TMEM74: variants seen among roughly 807,000 people sequenced by gnomAD.
TMEM74 encodes the protein transmembrane protein 74.
Under a neutral mutation model 18.1 loss-of-function variants are expected in TMEM74, and 13 were observed. The ratio of observed to expected loss-of-function variants is 0.72; its 90% CI spans 0.47 to 1.14. The LOEUF (loss-of-function observed/expected upper bound fraction) is 1.14. Ranked by LOEUF, TMEM74 falls within the 50% of genes most tolerant of loss-of-function variation. TMEM74 has a pLI of 0.00. For synonymous variants in TMEM74, 159 were observed against 146.6 expected, an observed-to-expected ratio of 1.08 and a Z score of -0.61; for missense variants, 372 against 375.9, an observed-to-expected ratio of 0.99 and a Z score of 0.09.
rs557213122 is a variant in TMEM74 at position 108,739,912 on chromosome 8, C to T, written n.119+47564G>A. On this transcript the variant is annotated intron_variant and non_coding_transcript_variant, in intron 1 of 3. Coordinates refer to the TMEM74 transcript ENST00000518838. ...ACAATTTGAGAGAGAGAAGTGGGAC[C>T]GGGGGCCATCGCAATCGTGGAGGCT... Among the ~76,000 whole-genome samples, 94 of 152,088 alleles carry T rather than the reference C, an allele frequency of 6.2e-4. 1 individual carries two copies. Among genetic ancestry groups the T allele is most frequent in the African/African-American group, 2.2e-3 (90 of 41,494 alleles).
intron 1 of TMEM74, among the ~76,000 whole-genome samples, chr8:108,730,809 T>C (rs1245971443): frequency 6.6e-6 from 1 of 151,994 alleles, no homozygotes; most frequent in African/African-American, 2.4e-5. Context: ...ATTTTTCTAT[T>C]TTTAGTAGAG....
chr8:108,736,764 C>T (rs1032447733), intron 1 of TMEM74, among the ~76,000 whole-genome samples: 3 of 151,966 alleles, frequency 2.0e-5, no homozygotes, highest in Non-Finnish European at 4.4e-5. Context: ...CTCTATTTAC[C>T]ATATACACAG....
chr8:108,785,366 G>A lies in TMEM74; in HGVS notation c.-39-229C>T, dbSNP rs113382124. 4.6e-3 allele frequency among the ~76,000 whole-genome samples: 703 copies of A among 152,318 alleles called. 6 individuals are homozygous for A. Among genetic ancestry groups the A allele is most frequent in the African/African-American group, 0.016 (662 of 41,580 alleles). ...ACACTGAGAAACTTAAGTCAGGGTA[G>A]AAAGGTGCGTGGAGGAAGTGGCAGT... On this transcript the variant is annotated intron_variant, in intron 1 of 1. Coordinates refer to ENST00000297459, the MANE Select transcript of TMEM74 (RefSeq NM_153015.3).
intron 1 of TMEM74, among the ~76,000 whole-genome samples, chr8:108,684,987 G>C (rs1269029083): frequency 1.3e-5 from 2 of 152,002 alleles, no homozygotes; most frequent in African/African-American, 4.8e-5. Flanking sequence ...TTGGTATTTT[G>C]ATAGGGATTA....
chr8:108,607,683 C>T (rs1241492248), exon 4 of TMEM74: 2 of 152,172 alleles, frequency 1.3e-5, no homozygotes, highest in Non-Finnish European at 2.9e-5. Context: ...CTTCTTAAGA[C>T]ACTTATGACG....
intron 1 of TMEM74, among the ~76,000 whole-genome samples, chr8:108,707,127 C>G (rs1176366444): frequency 7.6e-6 from 1 of 132,278 alleles, no homozygotes; most frequent in Non-Finnish European, 1.5e-5. Flanking sequence ...TAGGTGGGAA[C>G]TGAACAATGA....
At chr8:108,638,070 G>A (rs1238278812) in intron 2 of TMEM74, among the ~76,000 whole-genome samples, 2 of 152,088 alleles carry the variant, frequency 1.3e-5, no homozygotes, top group Non-Finnish European at 2.9e-5. Context: ...ACTTCTACGT[G>A]CATGTCTTCA....
chr8:108,771,326 G>A lies in TMEM74; in HGVS notation n.119+16150C>T, dbSNP rs562795918. On this transcript the variant is annotated intron_variant and non_coding_transcript_variant, in intron 1 of 3. Transcript: ENST00000518838. ...AACTTAGGAAGATTAAATTAAATGAGTTAATATTTGTAAATTCCTTGACTC... is the reference window on the plus strand; with the variant it reads ...AACTTAGGAAGATTAAATTAAATGAATTAATATTTGTAAATTCCTTGACTC... Among the ~76,000 whole-genome samples, 271 of 152,178 alleles carry A rather than the reference G, an allele frequency of 1.8e-3. 1 individual carries two copies. The highest frequency in any genetic ancestry group is 3.4e-3 in the Middle Eastern group (1 of 294).
At chr8:108,760,324 C>G (rs1452786250) in intron 1 of TMEM74, among the ~76,000 whole-genome samples, 1 of 152,024 alleles carries the variant, frequency 6.6e-6, no homozygotes, top group African/African-American at 2.4e-5. Context: ...CAAGGGTCAG[C>G]CAGTCTCTTG....
intron 1 of TMEM74, among the ~76,000 whole-genome samples, chr8:108,673,516 C>G (rs1209931820): frequency 6.6e-6 from 1 of 152,134 alleles, no homozygotes; most frequent in East Asian, 1.9e-4. Flanking sequence ...AAACATCTCT[C>G]ACGATGGCAG....
At chr8:108,742,813 T>C (rs1813814837) in intron 1 of TMEM74, among the ~76,000 whole-genome samples, 1 of 152,166 alleles carries the variant, frequency 6.6e-6, no homozygotes, top group Non-Finnish European at 1.5e-5. Context: ...AGCCTTCTGA[T>C]TTTAGAGACT....
intron 2 of TMEM74, among the ~76,000 whole-genome samples, chr8:108,620,511 G>A (rs980615374): frequency 8.6e-5 from 13 of 152,022 alleles, no homozygotes; most frequent in Non-Finnish European, 1.3e-4. Flanking sequence ...TTTAGAAGGC[G>A]GATATTCCCA....
At chr8:108,710,581 G>GT (rs1813464645) in intron 1 of TMEM74, among the ~76,000 whole-genome samples, 1 of 152,212 alleles carries the variant, frequency 6.6e-6, no homozygotes, top group Non-Finnish European at 1.5e-5. Flanking sequence ...GTGAAATGCA[G>GT]TTTTATTCAG....
intron 2 of TMEM74, among the ~76,000 whole-genome samples, chr8:108,633,103 G>A (rs1356974016): frequency 6.6e-6 from 1 of 151,946 alleles, no homozygotes; most frequent in Non-Finnish European, 1.5e-5. Flanking sequence ...AGCCTTGGTT[G>A]TTTCTGTGAA....
At chr8:108,635,886 ACTACT>A (rs1258103411) in intron 2 of TMEM74, among the ~76,000 whole-genome samples, 2 of 152,170 alleles carry the variant, frequency 1.3e-5, no homozygotes, top group Middle Eastern at 3.4e-3. Flanking sequence ...AGGATCAGAG[ACTACT>A]CTAAGTTCTT....
chr8:108,700,627 A>G (rs1274928834), intron 1 of TMEM74, among the ~76,000 whole-genome samples: 1 of 152,196 alleles, frequency 6.6e-6, no homozygotes, highest in Non-Finnish European at 1.5e-5. Flanking sequence ...AGCAAAATAA[A>G]GGAGAGAAAA....
At chr8:108,735,576 A>G (rs948266751) in intron 1 of TMEM74, among the ~76,000 whole-genome samples, 1 of 152,200 alleles carries the variant, frequency 6.6e-6, no homozygotes, top group Non-Finnish European at 1.5e-5. Context: ...ATTCTATTGT[A>G]TAGACATACT....
At chr8:108,662,879 T>G (rs552984109) in intron 1 of TMEM74, among the ~76,000 whole-genome samples, 2 of 152,258 alleles carry the variant, frequency 1.3e-5, no homozygotes, top group South Asian at 4.1e-4. Flanking sequence ...GTACTCTGAC[T>G]CACCCTGTTT....
chr8:108,685,994 A>T (rs1813163775), intron 1 of TMEM74, among the ~76,000 whole-genome samples: 1 of 152,192 alleles, frequency 6.6e-6, no homozygotes, highest in Non-Finnish European at 1.5e-5. Context: ...GCTTTAAAAT[A>T]TGAAAACTCA....
Sources: gnomAD v4.1 joint callset for allele counts (sites outside exome capture counted in the v4.1 genomes callset) on GRCh38, gnomAD v4.1.1 for gene constraint, MANE v1.5 for transcripts, NCBI Gene and HGNC (gene_info 2026-07-23, HGNC 2026-07-21) for gene names.